Variants in PAK2 observed in about 807,000 individuals in gnomAD.
The protein encoded by PAK2 is p21 (RAC1) activated kinase 2, also known as serine/threonine-protein kinase PAK 2.
Under a neutral mutation model 65.9 loss-of-function variants are expected in PAK2, and 21 were observed. The observed-to-expected ratio is 0.32, with a 90% CI of 0.23 to 0.46. PAK2 has a LOEUF of 0.46. Ranked by LOEUF, PAK2 falls within the 20% of genes least tolerant of loss-of-function variation. The pLI, the probability that PAK2 is intolerant of heterozygous loss-of-function variation, is 1.00. For missense variants in PAK2, 324 were observed against 642.6 expected, an observed-to-expected ratio of 0.50 and a Z score of 5.36; for synonymous variants, 204 against 219.7, an observed-to-expected ratio of 0.93 and a Z score of 0.63.
chr3:196,759,509 T>TTTTTTG (rs1713886980), intron 1 of PAK2, among the ~76,000 whole-genome samples: 2 of 112,774 alleles, frequency 1.8e-5, no homozygotes, highest in African/African-American at 7.7e-5. Flanking sequence ...TTTTTTTTTT[T>TTTTTTG]TTTTTTTTTT....
At chr3:196,824,595 T>G (rs776332652) in intron 13 of PAK2, among the ~76,000 whole-genome samples, 3 of 152,100 alleles carry the variant, frequency 2.0e-5, no homozygotes, top group Non-Finnish European at 2.9e-5. Context: ...GTAGAGAGGA[T>G]GAGTAGGTGA....
rs1268751593 is a variant in PAK2, at chr3:196,754,860, T to G, written c.-22+14703T>G. Among the ~76,000 whole-genome samples the G allele has an allele frequency of 1.3e-5, 2 of 152,208 alleles. 1 individual carries two copies. Among genetic ancestry groups the G allele is most frequent in the Non-Finnish European group, 2.9e-5 (2 of 68,028 alleles). On this transcript the variant is annotated intron_variant, in intron 1 of 14. Coordinates refer to ENST00000327134, the MANE Select transcript of PAK2 (RefSeq NM_002577.4). The stretch of plus-strand genomic sequence containing the variant: ...AACTGTGGCTGCCACAAAAACTGCC[T>G]CTGTGTAGCAAGGAGTGGCTGACCA...
intron 2 of PAK2, among the ~76,000 whole-genome samples, chr3:196,794,270 G>A (rs1344809378): frequency 6.6e-6 from 1 of 152,174 alleles, no homozygotes; most frequent in East Asian, 1.9e-4. Flanking sequence ...GCTCTAAAAT[G>A]GTGGTGTAGA....
intron 1 of PAK2, among the ~76,000 whole-genome samples, chr3:196,774,222 A>G (rs116946174): frequency 0.015 from 2,314 of 152,338 alleles, 104 homozygotes; most frequent in Admixed American, 0.097. Flanking sequence ...TAGCATAAGT[A>G]AGAAAAAAGA....
chr3:196,741,178 G>A (rs1713179868), intron 1 of PAK2, among the ~76,000 whole-genome samples: 1 of 152,118 alleles, frequency 6.6e-6, no homozygotes, highest in South Asian at 2.1e-4. Flanking sequence ...TTGGATCAAG[G>A]TTGTGCACGT....
At chr3:196,795,301 AAAAAG>A (rs1378368096) in intron 2 of PAK2, among the ~76,000 whole-genome samples, 1 of 151,640 alleles carries the variant, frequency 6.6e-6, no homozygotes, top group Non-Finnish European at 1.5e-5. Context: ...ACAAAAAAAA[AAAAAG>A]AAAAAAAGAA....
At chr3:196,809,075 CA>C (rs921598933) in intron 7 of PAK2, among the ~76,000 whole-genome samples, 29 of 138,160 alleles carry the variant, frequency 2.1e-4, no homozygotes, top group South Asian at 2.3e-4. Flanking sequence ...TCCACCCCCT[CA>C]AAAAAAAAAG....
At chr3:196,744,932 C>CTT (rs58919480) in intron 1 of PAK2, among the ~76,000 whole-genome samples, 3 of 147,158 alleles carry the variant, frequency 2.0e-5, no homozygotes, top group Middle Eastern at 3.2e-3. Flanking sequence ...TTTCTTTTTT[C>CTT]TTTTTTTTTT....
chr3:196,792,025 C>T (rs1188659297), intron 2 of PAK2, among the ~76,000 whole-genome samples: 2 of 152,074 alleles, frequency 1.3e-5, no homozygotes, highest in African/African-American at 2.4e-5. Flanking sequence ...CTTAGCTGCT[C>T]AGGTGGCTGC....
Position 196,824,562 on chromosome 3 carries a change from T to C in PAK2, c.1351-2634T>C, listed in dbSNP as rs146460347. Among the ~76,000 whole-genome samples the C allele has an allele frequency of 1.5e-4, 23 of 152,254 alleles. No homozygotes were observed. The East Asian group carries it at 3.5e-3, about 23-fold the overall frequency. ...AGAGAGTAAAAATGATTAGTGGTTA[T>C]GGGGTTTGGCAGGGGATCGGGGGTA... is the stretch of plus-strand genomic sequence containing the variant. On this transcript the variant is annotated intron_variant, in intron 13 of 14. Transcript: ENST00000327134.
In PAK2 at chr3:196,832,557, CTT is replaced by C. The variant is rs149253912; in HGVS notation, c.*4155_*4156del. 2.8e-3 allele frequency: 423 copies of C among 151,914 alleles called. 5 individuals are homozygous for C. The highest frequency in any genetic ancestry group is 9.8e-3 in the African/African-American group (405 of 41,448). 9.4% of individuals were successfully genotyped at this position (151,914 alleles called of 1,614,324 possible). A position where few individuals can be genotyped will look rare whatever the true frequency, so the allele number is the denominator to read the frequency against. The stretch of plus-strand genomic sequence containing the variant: ...TCAGCGTAAAAGAATATTTTAATGT[CTT>C]TTGATAGCATAAAAGAATATTTAAA... On this transcript the variant is annotated 3_prime_UTR_variant, in exon 15 of 15. Transcript: ENST00000327134.
intron 1 of PAK2, chr3:196,747,120 TTTG>T (rs1173864077): frequency 6.6e-6 from 1 of 152,028 alleles, no homozygotes; most frequent in Non-Finnish European, 1.5e-5. Context: ...TTTTTTTTTG[TTTG>T]TTTTCTGAAT....
intron 2 of PAK2, among the ~76,000 whole-genome samples, chr3:196,783,731 G>C (rs575206563): frequency 1.3e-5 from 2 of 152,080 alleles, no homozygotes; most frequent in Admixed American, 6.5e-5. Flanking sequence ...CCACCATTCT[G>C]CATTTTTATT....
At chr3:196,775,867 G>A (rs1714520339) in intron 1 of PAK2, among the ~76,000 whole-genome samples, 1 of 152,188 alleles carries the variant, frequency 6.6e-6, no homozygotes, top group Non-Finnish European at 1.5e-5. Flanking sequence ...TTTTCAACAT[G>A]TTAAGGATTG....
chr3:196,755,368 C>G (rs1713733382), intron 1 of PAK2, among the ~76,000 whole-genome samples: 1 of 152,072 alleles, frequency 6.6e-6, no homozygotes, highest in African/African-American at 2.4e-5. Flanking sequence ...CCTCCCTCCC[C>G]ATTTTTCCAT....
chr3:196,793,252 AT>A (rs1283755366), intron 2 of PAK2, among the ~76,000 whole-genome samples: 2 of 152,230 alleles, frequency 1.3e-5, no homozygotes, highest in African/African-American at 4.8e-5. Context: ...CTCTGTTCTT[AT>A]CAGGGGAGTC....
At chr3:196,800,043 C>CT (rs1715375481) in intron 2 of PAK2, among the ~76,000 whole-genome samples, 1 of 152,214 alleles carries the variant, frequency 6.6e-6, no homozygotes, top group Non-Finnish European at 1.5e-5. Context: ...AAAAGATTTG[C>CT]TGTTTTCATG....
chr3:196,762,292 G>A (rs1478445763), intron 1 of PAK2, among the ~76,000 whole-genome samples: 14 of 130,072 alleles, frequency 1.1e-4, no homozygotes, highest in African/African-American at 3.6e-4. Context: ...TCCCAGACGG[G>A]GTGGCGGCCG....
intron 1 of PAK2, among the ~76,000 whole-genome samples, chr3:196,774,493 C>G (rs1283349512): frequency 6.6e-6 from 1 of 152,102 alleles, no homozygotes; most frequent in African/African-American, 2.4e-5. Context: ...ATCATTTTCA[C>G]TAAGCCTTGA....
Sources: gnomAD v4.1 joint callset for allele counts (sites outside exome capture counted in the v4.1 genomes callset) on GRCh38, gnomAD v4.1.1 for gene constraint, MANE v1.5 for transcripts, NCBI Gene and HGNC (gene_info 2026-07-23, HGNC 2026-07-21) for gene names.